The following DNAH8 variants were observed in gnomAD, a reference collection of about 807,000 sequenced individuals.
DNAH8 encodes axonemal beta dynein heavy chain 8.
A neutral mutation model predicts 562.1 loss-of-function variants in DNAH8; 382 were observed. The ratio of observed to expected loss-of-function variants is 0.68; its 90% CI spans 0.63 to 0.74. DNAH8 has a LOEUF of 0.74. Ranked by LOEUF, DNAH8 falls within the 30% of genes least tolerant of loss-of-function variation. The pLI is 0.00. For missense variants in DNAH8, 5,203 were observed against 5,620.4 expected (o/e 0.93, Z 2.37); for synonymous variants, 1,881 against 1,919.4 (o/e 0.98, Z 0.52).
intron 26 of DNAH8, among the ~76,000 whole-genome samples, chr6:38,820,941 A>G (rs996185165): frequency 9.2e-5 from 14 of 152,220 alleles, no homozygotes; most frequent in African/African-American, 2.9e-4. Flanking sequence ...CAAGAATACT[A>G]GCTCTTACCA....
At chr6:39,011,518 A>G (rs780764963) in intron 89 of DNAH8, among the ~76,000 whole-genome samples, 37 of 152,322 alleles carry the variant, frequency 2.4e-4, no homozygotes, top group Non-Finnish European at 4.6e-4. Context: ...TATGTCACCA[A>G]ATTGAAATGT....
chr6:38,747,408 GCAAAATCTCACT>G (rs1459316549), intron 8 of DNAH8, among the ~76,000 whole-genome samples: 1 of 128,226 alleles, frequency 7.8e-6, no homozygotes, highest in African/African-American at 3.0e-5. Context: ...TTTTTTTGAG[GCAAAATCTCACT>G]CTGTTGCTCA....
intron 57 of DNAH8, among the ~76,000 whole-genome samples, chr6:38,888,384 T>A (rs1779105373): frequency 6.6e-6 from 1 of 151,822 alleles, no homozygotes; most frequent in African/African-American, 2.4e-5. Context: ...AGAAAAAAAA[T>A]ACCAATTTGA....
intron 33 of DNAH8, among the ~76,000 whole-genome samples, chr6:38,838,997 T>G (rs1352141597): frequency 6.6e-6 from 1 of 152,240 alleles, no homozygotes; most frequent in African/African-American, 2.4e-5. Flanking sequence ...TGAAATTTTC[T>G]GAAGAGAAAT....
intron 91 of DNAH8, 28 bp downstream of exon 91, chr6:39,012,665 C>G: frequency 1.3e-6 from 2 of 1,573,120 alleles, no homozygotes; most frequent in Non-Finnish European, 1.7e-6. Context: ...ATTTGGCAAG[C>G]TTGGAATTTG....
chr6:39,023,611 C>CA (rs1360290427), intron 91 of DNAH8, among the ~76,000 whole-genome samples: 1 of 152,162 alleles, frequency 6.6e-6, no homozygotes. Flanking sequence ...ATACAGGCTT[C>CA]AAAAAATCAG....
intron 82 of DNAH8, among the ~76,000 whole-genome samples, chr6:38,968,087 T>G (rs1358674596): frequency 6.6e-6 from 1 of 152,168 alleles, no homozygotes; most frequent in Admixed American, 6.5e-5. Context: ...AGAACTGATA[T>G]GCATTTGCAA....
rs193089635 is a variant in DNAH8, at chr6:38,935,453, A to G, written c.11458-139A>G. On this transcript the variant is annotated intron_variant, in intron 76 of 92. Transcript: ENST00000327475. ...AAAATATGGATAGATAGATTTGGCT[A>G]ATGATAGTAATTTCTTCTGCCATTC... The G allele has an allele frequency of 2.0e-4, 125 of 619,164 alleles. No homozygotes were observed. The African/African-American group carries it at 2.0e-3, about 10-fold the overall frequency. The allele number at this position is 619,164 out of a possible 1,614,324, so 38.4% of individuals were successfully genotyped here.
At chr6:38,820,201 A>AT (rs1335640104) in intron 26 of DNAH8, among the ~76,000 whole-genome samples, 3 of 152,218 alleles carry the variant, frequency 2.0e-5, no homozygotes, top group Admixed American at 2.0e-4. Flanking sequence ...AGCCAGGCTA[A>AT]TGAGGACCGT....
chr6:38,868,246 T>C, intron 48 of DNAH8, 50 bp downstream of exon 48: 1 of 1,551,630 alleles, frequency 6.4e-7, no homozygotes, highest in Non-Finnish European at 8.7e-7. Flanking sequence ...ATTGTTTCTT[T>C]CTATTTGGTG....
At chr6:39,003,854 TA>T (rs1418698454) in intron 88 of DNAH8, among the ~76,000 whole-genome samples, 1 of 152,208 alleles carries the variant, frequency 6.6e-6, no homozygotes. Context: ...CAAAAGAATA[TA>T]TATACTGTAT....
chr6:38,792,630 A>T (rs1325692853), intron 21 of DNAH8, among the ~76,000 whole-genome samples: 1 of 152,164 alleles, frequency 6.6e-6, no homozygotes, highest in Non-Finnish European at 1.5e-5. Context: ...TAACCTCTTC[A>T]GCATTGTTAT....
chr6:38,851,378 T>C (rs1456595164), intron 38 of DNAH8, among the ~76,000 whole-genome samples, 194 bp from the exon 39 acceptor site: 9 of 152,226 alleles, frequency 5.9e-5, no homozygotes, highest in Admixed American at 5.9e-4. Flanking sequence ...TCTGAATCTC[T>C]TGTTTTCCCA....
intron 18 of DNAH8, among the ~76,000 whole-genome samples, chr6:38,788,688 C>T (rs1219802855): frequency 2.6e-5 from 4 of 152,098 alleles, no homozygotes; most frequent in Non-Finnish European, 4.4e-5. Context: ...TATCCCTTAT[C>T]AGATATATGA....
chr6:39,004,312 A>G (rs1307191962), intron 88 of DNAH8, among the ~76,000 whole-genome samples: 17 of 152,146 alleles, frequency 1.1e-4, no homozygotes, highest in Non-Finnish European at 2.9e-5. Context: ...CAGTATTTTA[A>G]TTTTATCTTT....
chr6:38,852,796 G>A lies in DNAH8; in HGVS notation c.5569G>A (p.Val1857Ile), dbSNP rs769383206. 7 of 1,608,788 alleles carry A rather than the reference G, an allele frequency of 4.4e-6. No homozygotes were observed. In the Admixed American group the frequency reaches 8.4e-5, roughly 19 times the overall value. The change falls in exon 40 of 93, where the codon GTT becomes ATT. Residue 1857 changes from valine to isoleucine, a missense_variant and splice_region_variant. Around this residue, in one of 6 missense-constraint regions of DNAH8, gnomAD observed 2,176 missense variants for 2,365.1 expected, o/e 0.92. Transcript: ENST00000327475. The part of the protein sequence containing the change: ...AVISREGEKI[V>I]LDNSVMAKGP... Reference sequence around the variant, plus strand: ...CATATCAAGAGAAGGAGAAAAAATTGTTGTAATTTACCTTGCTTTAAATTT... The same window carrying A: ...CATATCAAGAGAAGGAGAAAAAATTATTGTAATTTACCTTGCTTTAAATTT...
At chr6:38,900,960 G>A (rs969236545) in intron 62 of DNAH8, among the ~76,000 whole-genome samples, 15 of 152,120 alleles carry the variant, frequency 9.9e-5, no homozygotes, top group African/African-American at 2.9e-4. Flanking sequence ...TTCAGTTTGC[G>A]TTTCCCAGAT....
At position 38,853,235 on chromosome 6, in the gene DNAH8, A is replaced by T; in HGVS notation, c.5621A>T (p.Asp1874Val). Residue 1874 changes from aspartate (D) to valine (V), a missense_variant, in exon 41 of 93, where the codon GAT becomes GTT. Transcript: ENST00000327475. ...AKGPVEIWLL[D>V]LLKMQMSSLH... Reference sequence around the variant, plus strand: ...GGTCCTGTGGAGATTTGGCTACTGGATTTGTTAAAAATGCAGATGTCATCA... The same window carrying T: ...GGTCCTGTGGAGATTTGGCTACTGGTTTTGTTAAAAATGCAGATGTCATCA... 6.2e-7 allele frequency: 1 copy of T among 1,613,404 alleles called. No individual in the cohort carries two copies. Among genetic ancestry groups the T allele is most frequent in the South Asian group, 1.1e-5 (1 of 90,896 alleles).
At chr6:38,963,145 C>G (rs1217890879) in intron 82 of DNAH8, among the ~76,000 whole-genome samples, 1 of 150,890 alleles carries the variant, frequency 6.6e-6, no homozygotes, top group Non-Finnish European at 1.5e-5. Flanking sequence ...ATCTGTATGT[C>G]AAAAGCACCA....
Sources: gnomAD v4.1 joint callset for allele counts (sites outside exome capture counted in the v4.1 genomes callset) on GRCh38, gnomAD v4.1.1 for gene constraint, gnomAD v4.1.1 regional missense constraint, MANE v1.5 for transcripts, NCBI Gene and HGNC (gene_info 2026-07-23, HGNC 2026-07-21) for gene names.